The following STEAP1B variants were observed in gnomAD, a reference collection of about 807,000 sequenced individuals.
STEAP1B encodes STEAP family protein MGC87042.
Under a neutral mutation model 27.9 loss-of-function variants are expected in STEAP1B, and 13 were observed. The observed-to-expected ratio is 0.47, with a 90% CI of 0.30 to 0.74. The LOEUF (loss-of-function observed/expected upper bound fraction) is 0.74, where lower values mean the gene tolerates loss of function less well. STEAP1B is among the 30% of genes least tolerant of loss of function. The pLI is 0.06. For missense variants in STEAP1B, 250 were observed against 298.7 expected, an observed-to-expected ratio of 0.84 and a Z score of 1.20; for synonymous variants, 86 against 107.1, an observed-to-expected ratio of 0.80 and a Z score of 1.22.
intron 4 of STEAP1B, among the ~76,000 whole-genome samples, chr7:22,484,923 T>C (rs540737754): frequency 8.5e-5 from 13 of 152,310 alleles, no homozygotes; most frequent in Non-Finnish European, 1.8e-4. Context: ...GCAAGAGAAC[T>C]GGAATTCTGA....
intron 4 of STEAP1B, among the ~76,000 whole-genome samples, chr7:22,475,807 A>C (rs953147617): frequency 1.3e-5 from 2 of 152,208 alleles, no homozygotes; most frequent in African/African-American, 2.4e-5. Flanking sequence ...CAGGGACTTG[A>C]GGCCCCAAAT....
chr7:22,422,583 T>G (rs537744013), intron 4 of STEAP1B, among the ~76,000 whole-genome samples: 4 of 151,978 alleles, frequency 2.6e-5, no homozygotes, highest in Non-Finnish European at 1.5e-5. Flanking sequence ...AACTTCCGCC[T>G]CCTAGGTTCA....
chr7:22,427,445 C>A (rs1168107880), intron 4 of STEAP1B, among the ~76,000 whole-genome samples: 1 of 152,114 alleles, frequency 6.6e-6, no homozygotes, highest in African/African-American at 2.4e-5. Context: ...GCCTGGCTAA[C>A]TGGAATACAG....
At chr7:22,482,277 G>A (rs540141838) in intron 4 of STEAP1B, among the ~76,000 whole-genome samples, 1 of 152,322 alleles carries the variant, frequency 6.6e-6, no homozygotes, top group East Asian at 1.9e-4. Context: ...GCTCTCAGGA[G>A]AAGGGGCACA....
intron 4 of STEAP1B, among the ~76,000 whole-genome samples, chr7:22,469,134 G>A (rs1261962379): frequency 1.3e-5 from 2 of 152,150 alleles, no homozygotes; most frequent in Non-Finnish European, 2.9e-5. Context: ...AGATATAGAG[G>A]TGGAAAGCAG....
intron 4 of STEAP1B, among the ~76,000 whole-genome samples, chr7:22,461,719 G>A (rs1785681846): frequency 6.6e-6 from 1 of 152,176 alleles, no homozygotes; most frequent in Non-Finnish European, 1.5e-5. Context: ...GGGAACACAA[G>A]CAGGCTCTGC....
chr7:22,490,373 T>G (rs905301695), intron 4 of STEAP1B, among the ~76,000 whole-genome samples: 22 of 152,220 alleles, frequency 1.4e-4, no homozygotes, highest in Admixed American at 1.4e-3. Flanking sequence ...TCTATCCTAT[T>G]GGCCTAGAAT....
intron 4 of STEAP1B, among the ~76,000 whole-genome samples, chr7:22,427,576 A>C (rs1175377453): frequency 6.6e-6 from 1 of 152,248 alleles, no homozygotes; most frequent in Non-Finnish European, 1.5e-5. Flanking sequence ...TGGAGATACA[A>C]TTATTAAAAG....
intron 4 of STEAP1B, among the ~76,000 whole-genome samples, chr7:22,447,340 G>T (rs1225214726): frequency 2.0e-5 from 3 of 152,210 alleles, no homozygotes; most frequent in Non-Finnish European, 4.4e-5. Context: ...ATAAAGAAAT[G>T]ACTTCTTGTG....
intron 4 of STEAP1B, among the ~76,000 whole-genome samples, chr7:22,480,554 T>C (rs149547567): frequency 1.3e-5 from 2 of 152,312 alleles, no homozygotes; most frequent in African/African-American, 4.8e-5. Flanking sequence ...ACAGGGAAAG[T>C]TGCCATAAGG....
chr7:22,438,363 T>C (rs17146910), intron 4 of STEAP1B: 21,353 of 1,109,670 alleles, frequency 0.019, 398 homozygotes, highest in South Asian at 0.073. Context: ...TTAGTGAAGA[T>C]TGCATTAAAA....
At position 22,499,458 on chromosome 7, in the gene STEAP1B, AC is replaced by A. The variant is rs1293826887; in HGVS notation, c.-32+655del. Among the ~76,000 whole-genome samples the A allele has an allele frequency of 9.8e-5, 15 of 152,318 alleles. No homozygotes were observed. The East Asian group carries it at 2.9e-3, about 29-fold the overall frequency. On this transcript the variant is annotated intron_variant, in intron 1 of 4. Transcript: ENST00000678116. ...GCTTAACATTCATGTTAAATGAATAACCTTTTATTACACGTCAGGATGTGGA... is the reference window on the plus strand; with the variant it reads ...GCTTAACATTCATGTTAAATGAATAACTTTTATTACACGTCAGGATGTGGA...
rs1269177353 is a variant in STEAP1B, at chr7:22,454,871, T to A, written c.763-35035A>T. The stretch of plus-strand genomic sequence containing the variant: ...TATGTATATATATATATATATTTTT[T>A]TTTTTTTTTGAGACAGAGTCTCGCT... On this transcript the variant is annotated intron_variant, in intron 4 of 4. Transcript: ENST00000678116. 7.0e-3 allele frequency among the ~76,000 whole-genome samples: 318 copies of A among 45,576 alleles called. 3 individuals are homozygous for A. The East Asian group carries it at 0.22, about 31-fold the overall frequency. The allele number at this position is 45,576 out of a possible 152,430, so 29.9% of individuals were successfully genotyped here. A position where few individuals can be genotyped will look rare whatever the true frequency, so the allele number is the denominator to read the frequency against.
intron 4 of STEAP1B, among the ~76,000 whole-genome samples, chr7:22,430,740 G>C (rs1785176664): frequency 6.6e-6 from 1 of 152,222 alleles, no homozygotes; most frequent in South Asian, 2.1e-4. Flanking sequence ...CTTAAAGAAT[G>C]TGATTACCTC....
intron 4 of STEAP1B, among the ~76,000 whole-genome samples, chr7:22,420,480 A>G (rs1055306714): frequency 2.6e-5 from 4 of 152,234 alleles, no homozygotes; most frequent in African/African-American, 9.6e-5. Flanking sequence ...CATTCAGGGA[A>G]GTCACAGGGG....
chr7:22,494,586 T>G (rs1399298501), intron 2 of STEAP1B, among the ~76,000 whole-genome samples, 186 bp downstream of exon 2: 1 of 152,180 alleles, frequency 6.6e-6, no homozygotes, highest in Non-Finnish European at 1.5e-5. Context: ...TGACAATCAG[T>G]GAAGGTACTA....
rs7803867 is a variant in STEAP1B at position 22,433,560 on chromosome 7, T to C, written c.763-13724A>G. 2.6e-5 allele frequency among the ~76,000 whole-genome samples: 4 copies of C among 151,810 alleles called. No homozygotes were observed. The East Asian group carries it at 7.8e-4, about 29-fold the overall frequency. ...AAGACAGGTTAGGCCAAACCAGTTT[T>C]AAGGAGAGGAGATCTATGTAGGAAA... On this transcript the variant is annotated intron_variant, in intron 4 of 4. Transcript: ENST00000678116.
At chr7:22,431,778 G>A (rs1785190851) in intron 4 of STEAP1B, among the ~76,000 whole-genome samples, 2 of 152,192 alleles carry the variant, frequency 1.3e-5, no homozygotes, top group South Asian at 4.1e-4. Context: ...GCCTTGCTGT[G>A]GTTCTGACAG....
intron 4 of STEAP1B, among the ~76,000 whole-genome samples, chr7:22,442,697 T>C (rs142707317): frequency 2.0e-5 from 3 of 152,300 alleles, no homozygotes; most frequent in Middle Eastern, 3.4e-3. Context: ...AAAGAACACA[T>C]TGCAGTGACT....
Sources: gnomAD v4.1 joint callset for allele counts (sites outside exome capture counted in the v4.1 genomes callset) on GRCh38, gnomAD v4.1.1 for gene constraint, MANE v1.5 for transcripts, NCBI Gene and HGNC (gene_info 2026-07-23, HGNC 2026-07-21) for gene names.